KIAA1217: variants seen among roughly 807,000 people sequenced by gnomAD.
KIAA1217 encodes sickle tail protein homolog.
In KIAA1217, 88 loss-of-function variants were observed where a neutral mutation model predicts 163.9. The ratio of observed to expected loss-of-function variants is 0.54; its 90% CI spans 0.45 to 0.64. The LOEUF (loss-of-function observed/expected upper bound fraction) is 0.64, where lower values mean the gene tolerates loss of function less well. Ranked by LOEUF, KIAA1217 falls within the 30% of genes least tolerant of loss-of-function variation. The pLI is 0.00. For synonymous variants in KIAA1217, 903 were observed against 923.1 expected (o/e 0.98, Z 0.39); for missense variants, 2,372 against 2,475.0 (o/e 0.96, Z 0.88).
intron 1 of KIAA1217, among the ~76,000 whole-genome samples, chr10:23,983,730 A>C (rs1845862256): frequency 1.3e-5 from 2 of 152,138 alleles, no homozygotes; most frequent in Non-Finnish European, 2.9e-5. Context: ...TTCCCTCTTG[A>C]CTGCAAACAT....
intron 2 of KIAA1217, among the ~76,000 whole-genome samples, chr10:24,336,022 C>G (rs892197233): frequency 1.3e-5 from 2 of 152,240 alleles, no homozygotes; most frequent in African/African-American, 4.8e-5. Context: ...AGGCAAATCA[C>G]CTGAGGTCAG....
chr10:24,485,568 A>T (rs1427739986), intron 6 of KIAA1217, among the ~76,000 whole-genome samples: 1 of 152,170 alleles, frequency 6.6e-6, no homozygotes, highest in Non-Finnish European at 1.5e-5. Flanking sequence ...CGTGCCCCAG[A>T]TGTAAGTTCC....
chr10:23,847,958 C>T (rs1361424783), intron 1 of KIAA1217, among the ~76,000 whole-genome samples: 3 of 152,060 alleles, frequency 2.0e-5, no homozygotes, highest in Non-Finnish European at 4.4e-5. Context: ...TTATTTCTGC[C>T]TTCAGTTCGT....
At chr10:24,431,101 G>C (rs1476467952) in intron 3 of KIAA1217, among the ~76,000 whole-genome samples, 3 of 152,300 alleles carry the variant, frequency 2.0e-5, no homozygotes, top group Admixed American at 6.5e-5. Context: ...TCTACTGTTA[G>C]TTCCTCTCTC....
At chr10:24,500,875 G>T (rs1042852385) in intron 8 of KIAA1217, among the ~76,000 whole-genome samples, 2 of 152,080 alleles carry the variant, frequency 1.3e-5, no homozygotes, top group African/African-American at 2.4e-5. Context: ...TTGAGCCCAG[G>T]TGTTCGAGAC....
At chr10:24,261,782 T>C (rs1379201714) in intron 2 of KIAA1217, among the ~76,000 whole-genome samples, 2 of 152,168 alleles carry the variant, frequency 1.3e-5, no homozygotes, top group African/African-American at 4.8e-5. Flanking sequence ...GGAAGAGTTG[T>C]AGGTCCTGCC....
chr10:24,133,552 A>G (rs1203179862), intron 2 of KIAA1217, among the ~76,000 whole-genome samples: 2 of 151,134 alleles, frequency 1.3e-5, no homozygotes, highest in Non-Finnish European at 2.9e-5. Context: ...AGCCTGGGCG[A>G]CAGAGCGAGA....
chr10:24,409,051 TA>T (rs898914000), intron 3 of KIAA1217, among the ~76,000 whole-genome samples: 20 of 152,318 alleles, frequency 1.3e-4, no homozygotes, highest in Admixed American at 6.5e-4. Flanking sequence ...GATGATACAG[TA>T]GTTTATATTG....
chr10:24,466,239 T>A (rs560784454), intron 5 of KIAA1217, among the ~76,000 whole-genome samples: 2 of 152,210 alleles, frequency 1.3e-5, no homozygotes, highest in Non-Finnish European at 2.9e-5. Flanking sequence ...CTCCTCTGGA[T>A]TGAGTATGTT....
intron 1 of KIAA1217, among the ~76,000 whole-genome samples, chr10:23,975,138 G>A (rs1845485562): frequency 6.6e-6 from 1 of 152,158 alleles, no homozygotes; most frequent in Non-Finnish European, 1.5e-5. Flanking sequence ...TTTTACATGG[G>A]AAATGTGTAT....
intron 1 of KIAA1217, among the ~76,000 whole-genome samples, chr10:23,756,418 C>A (rs1053656355): frequency 5.9e-5 from 9 of 152,074 alleles, no homozygotes; most frequent in African/African-American, 1.4e-4. Flanking sequence ...AAAAAATAAC[C>A]ACGACATTCA....
intron 2 of KIAA1217, among the ~76,000 whole-genome samples, chr10:24,227,696 C>G (rs2070781743): frequency 1.3e-5 from 2 of 151,908 alleles, no homozygotes; most frequent in Non-Finnish European, 2.9e-5. Flanking sequence ...CCATGCCCGG[C>G]TAATTTTTTG....
Position 23,697,284 on chromosome 10 carries a change from C to T in KIAA1217, c.-321+2050C>T, listed in dbSNP as rs115117898. Among the ~76,000 whole-genome samples the T allele has an allele frequency of 3.9e-3, 600 of 152,252 alleles. 2 individuals are homozygous for T. The highest frequency in any genetic ancestry group is 0.013 in the African/African-American group (541 of 41,548). ...CTTTAGGATTATAAGAATTCCTTCA[C>T]GTATCTAATAATATTTTGCTACTAA... On this transcript the variant is annotated intron_variant, in intron 1 of 18. Coordinates refer to the KIAA1217 transcript ENST00000376462.
intron 6 of KIAA1217, among the ~76,000 whole-genome samples, chr10:24,483,761 G>A (rs1360397999): frequency 6.6e-6 from 1 of 152,158 alleles, no homozygotes; most frequent in Non-Finnish European, 1.5e-5. Context: ...CTACCTGTTT[G>A]TACCTGTGCA....
At chr10:24,465,421 A>G (rs944889414) in intron 5 of KIAA1217, among the ~76,000 whole-genome samples, 1 of 152,230 alleles carries the variant, frequency 6.6e-6, no homozygotes, top group African/African-American at 2.4e-5. Context: ...AACTTGAAAG[A>G]CGTCATGGAA....
intron 5 of KIAA1217, among the ~76,000 whole-genome samples, chr10:24,452,844 A>G (rs1341559820): frequency 6.6e-6 from 1 of 152,176 alleles, no homozygotes; most frequent in East Asian, 1.9e-4. Context: ...CAGACACCCC[A>G]TTTACCCTGA....
In KIAA1217 at chr10:24,534,162, G is replaced by A. The variant is rs184006253; in HGVS notation, c.3414+925G>A. Among the ~76,000 whole-genome samples the A allele has an allele frequency of 2.1e-3, 317 of 152,270 alleles. 1 individual carries two copies. Among genetic ancestry groups the A allele is most frequent in the South Asian group, 9.7e-3 (47 of 4,822 alleles). Reference sequence around the variant, plus strand: ...GTAGGGAGAATTTTCAATCTACATTGTTTTTACTGCACTTGTTCTACTCTG... The same window carrying A: ...GTAGGGAGAATTTTCAATCTACATTATTTTTACTGCACTTGTTCTACTCTG... On this transcript the variant is annotated intron_variant, in intron 16 of 20. Coordinates refer to ENST00000376454, the MANE Select transcript of KIAA1217 (RefSeq NM_019590.5).
intron 1 of KIAA1217, among the ~76,000 whole-genome samples, chr10:23,707,543 A>C (rs150589903): frequency 6.6e-6 from 1 of 152,204 alleles, no homozygotes; most frequent in Non-Finnish European, 1.5e-5. Context: ...CAATGGCCAC[A>C]TACAGGGTGG....
chr10:24,194,480 C>T (rs940237537), intron 2 of KIAA1217, among the ~76,000 whole-genome samples: 2 of 151,464 alleles, frequency 1.3e-5, no homozygotes, highest in Non-Finnish European at 2.9e-5. Flanking sequence ...TGCCACTCCA[C>T]CTGACCTCTG....
Sources: gnomAD v4.1 joint callset for allele counts (sites outside exome capture counted in the v4.1 genomes callset) on GRCh38, gnomAD v4.1.1 for gene constraint, MANE v1.5 for transcripts, NCBI Gene and HGNC (gene_info 2026-07-23, HGNC 2026-07-21) for gene names.